The following MMP26 variants were observed in gnomAD, a reference collection of about 807,000 sequenced individuals.
MMP26 encodes the protein matrix metalloproteinase-26.
In MMP26, 33 loss-of-function variants were observed where a neutral mutation model predicts 31.0. The ratio of observed to expected loss-of-function variants is 1.06; its 90% CI spans 0.81 to 1.42. The LOEUF (loss-of-function observed/expected upper bound fraction) is 1.42. MMP26 is among the 40% of genes most tolerant of loss of function. The probability of loss-of-function intolerance (pLI) is 0.00; values close to 1 mark genes in which losing one functional copy is unlikely to be tolerated. For synonymous variants in MMP26, 122 were observed against 114.9 expected, an observed-to-expected ratio of 1.06 and a Z score of -0.40; for missense variants, 347 against 316.1, an observed-to-expected ratio of 1.10 and a Z score of -0.74.
At chr11:4,764,703 C>T (rs898135647) in intron 1 of MMP26, among the ~76,000 whole-genome samples, 3 of 152,126 alleles carry the variant, frequency 2.0e-5, no homozygotes, top group African/African-American at 7.2e-5. Context: ...GAAACCCCGT[C>T]TCTACTAAAA....
At chr11:4,846,674 A>G (rs1849872631) in intron 2 of MMP26, among the ~76,000 whole-genome samples, 1 of 152,146 alleles carries the variant, frequency 6.6e-6, no homozygotes, top group East Asian at 1.9e-4. Flanking sequence ...CCCCATAAAT[A>G]TATAAACCTA....
In MMP26 at chr11:4,948,515, G is replaced by T. The variant is rs1318142911; in HGVS notation, c.-144-39553G>T. Among the ~76,000 whole-genome samples the T allele has an allele frequency of 3.2e-5, 4 of 123,284 alleles. 2 individuals are homozygous for T. The highest frequency in any genetic ancestry group is 3.7e-5 in the Non-Finnish European group (2 of 54,390). The allele number at this position is 123,284 out of a possible 152,430, so 80.9% of individuals were successfully genotyped here. Reference sequence around the variant, plus strand: ...TGCCAAGCAATATTTAAGGAGTTATGAACTGAATGTACAGCTGGAATTGTG... The same window carrying T: ...TGCCAAGCAATATTTAAGGAGTTATTAACTGAATGTACAGCTGGAATTGTG... On this transcript the variant is annotated intron_variant, in intron 2 of 7. Coordinates refer to ENST00000380390, the MANE Select transcript of MMP26 (RefSeq NM_021801.5).
In MMP26 at chr11:4,935,141, C is replaced by T. The variant is rs546677646; in HGVS notation, c.-144-52927C>T. On this transcript the variant is annotated intron_variant, in intron 2 of 7. Transcript: ENST00000380390. Reference sequence around the variant, plus strand: ...GTCATTGGTAGCTTGATGGGGATGGCATTGAATCTGTAAACTACCTTGGGC... The same window carrying T: ...GTCATTGGTAGCTTGATGGGGATGGTATTGAATCTGTAAACTACCTTGGGC... Among the ~76,000 whole-genome samples, 8 of 151,832 alleles carry T rather than the reference C, an allele frequency of 5.3e-5. No individual in the cohort carries two copies. In the South Asian group the frequency reaches 1.7e-3, roughly 32 times the overall value.
chr11:4,892,593 A>G (rs980061342), intron 2 of MMP26, among the ~76,000 whole-genome samples: 2 of 152,208 alleles, frequency 1.3e-5, no homozygotes, highest in African/African-American at 4.8e-5. Flanking sequence ...ATCATTATTA[A>G]TTAAATCTTA....
At chr11:4,932,478 T>C (rs1851364156) in intron 2 of MMP26, among the ~76,000 whole-genome samples, 1 of 152,152 alleles carries the variant, frequency 6.6e-6, no homozygotes, top group South Asian at 2.1e-4. Flanking sequence ...AACATGCTGA[T>C]AGAAGCCTAA....
chr11:4,862,160 A>G (rs975429753), intron 2 of MMP26, among the ~76,000 whole-genome samples: 3 of 152,332 alleles, frequency 2.0e-5, no homozygotes, highest in South Asian at 2.1e-4. Context: ...TGCCGATTCC[A>G]AATATCCATA....
chr11:4,750,534 G>C (rs1848434976), intron 1 of MMP26, among the ~76,000 whole-genome samples: 1 of 151,940 alleles, frequency 6.6e-6, no homozygotes, highest in Non-Finnish European at 1.5e-5. Flanking sequence ...GTCCAACAGT[G>C]GATGACTGGA....
At chr11:4,841,435 C>T (rs1020993826) in intron 2 of MMP26, among the ~76,000 whole-genome samples, 4 of 152,060 alleles carry the variant, frequency 2.6e-5, no homozygotes, top group Non-Finnish European at 5.9e-5. Context: ...AGAAAAGAAA[C>T]CAATATATCT....
chr11:4,803,729 C>G, intron 2 of MMP26: 1 of 1,613,680 alleles, frequency 6.2e-7, no homozygotes, highest in Non-Finnish European at 8.5e-7. Context: ...TATGACATAC[C>G]AATGACAATC....
intron 2 of MMP26, among the ~76,000 whole-genome samples, chr11:4,967,439 C>G (rs993347729): frequency 6.6e-6 from 1 of 152,108 alleles, no homozygotes; most frequent in Non-Finnish European, 1.5e-5. Flanking sequence ...TCTTTCAAGG[C>G]CAAGAAGCCA....
chr11:4,809,692 T>A (rs779313762), intron 2 of MMP26, among the ~76,000 whole-genome samples: 3 of 152,208 alleles, frequency 2.0e-5, no homozygotes, highest in Non-Finnish European at 4.4e-5. Context: ...GAGGCAGTAT[T>A]CCTACCTTTC....
intron 2 of MMP26, chr11:4,915,209 A>T: frequency 6.2e-7 from 1 of 1,614,000 alleles, no homozygotes; most frequent in Non-Finnish European, 8.5e-7. Flanking sequence ...ACCCAGAGAG[A>T]CCAGGCCAAT....
At chr11:4,885,445 A>G (rs756024684) in intron 2 of MMP26, among the ~76,000 whole-genome samples, 8 of 152,242 alleles carry the variant, frequency 5.3e-5, no homozygotes, top group Admixed American at 1.3e-4. Flanking sequence ...AAACACAAAT[A>G]CTTAACTGTA....
chr11:4,804,456 A>T, intron 2 of MMP26: 1 of 1,156,050 alleles, frequency 8.7e-7, no homozygotes, highest in Non-Finnish European at 1.3e-6. Flanking sequence ...AAGTGTTATT[A>T]TTATATACAA....
At chr11:4,881,844 A>G (rs763362841) in intron 2 of MMP26, 29 of 1,418,766 alleles carry the variant, frequency 2.0e-5, no homozygotes, top group Non-Finnish European at 2.7e-5. Flanking sequence ...TATGCTATAT[A>G]TATAAAGAAT....
chr11:4,816,738 C>T (rs1403928538), intron 2 of MMP26, among the ~76,000 whole-genome samples: 1 of 114,576 alleles, frequency 8.7e-6, no homozygotes, highest in African/African-American at 3.4e-5. Flanking sequence ...GAGTCTCGCT[C>T]TATTGCCCAG....
intron 2 of MMP26, among the ~76,000 whole-genome samples, chr11:4,897,527 T>C (rs1589932337): frequency 6.6e-6 from 1 of 152,358 alleles, no homozygotes; most frequent in East Asian, 1.9e-4. Context: ...TATCTTTGTC[T>C]TACTTATTTT....
chr11:4,906,599 A>G lies in MMP26; in HGVS notation c.-144-81469A>G, dbSNP rs552118610. 1.6e-3 allele frequency among the ~76,000 whole-genome samples: 243 copies of G among 152,290 alleles called. 1 individual carries two copies. The highest frequency in any genetic ancestry group is 5.7e-3 in the African/African-American group (238 of 41,550). On this transcript the variant is annotated intron_variant, in intron 2 of 7. Transcript: ENST00000380390. ...CATCTAATGACTTAATGTTTTCCAA[A>G]TATTCGCAGTGATCTCTGATTATTT...
chr11:4,924,405 G>A, intron 2 of MMP26: 1 of 1,472,658 alleles, frequency 6.8e-7, no homozygotes, highest in Admixed American at 2.1e-5. Flanking sequence ...TGACAAGGCT[G>A]AATTCTCACT....
Sources: allele counts gnomAD v4.1 joint callset (sites outside exome capture counted in the v4.1 genomes callset), GRCh38; gene constraint gnomAD v4.1.1; transcripts MANE v1.5; gene names NCBI Gene and HGNC (gene_info 2026-07-23, HGNC 2026-07-21).